The following ALDH1L1 variants were observed in gnomAD, a reference collection of about 807,000 sequenced individuals.
ALDH1L1 encodes aldehyde dehydrogenase 1 family member L1.
A neutral mutation model predicts 101.1 loss-of-function variants in ALDH1L1; 68 were observed. The observed-to-expected ratio is 0.67, with a 90% CI of 0.55 to 0.82. ALDH1L1 has a LOEUF of 0.82. Ranked by LOEUF, ALDH1L1 falls within the 40% of genes least tolerant of loss-of-function variation. The probability of loss-of-function intolerance (pLI) is 0.00; values close to 1 mark genes in which losing one functional copy is unlikely to be tolerated. For synonymous variants in ALDH1L1, 486 were observed against 470.8 expected (o/e 1.03, Z -0.42); for missense variants, 1,087 against 1,172.7 (o/e 0.93, Z 1.07).
In ALDH1L1 at chr3:126,122,333, C is replaced by T. The variant is rs180749941; in HGVS notation, c.1888+2031G>A. Among the ~76,000 whole-genome samples, 4 of 152,122 alleles carry T rather than the reference C, an allele frequency of 2.6e-5. No homozygotes were observed. In the South Asian group the frequency reaches 6.2e-4, roughly 24 times the overall value. ...TTGCTTTCTTAACTGATTTAAAAAG[C>T]GATTGTGTAAAATGATTATATACAT... On this transcript the variant is annotated intron_variant, in intron 16 of 22. Coordinates refer to ENST00000393434, the MANE Select transcript of ALDH1L1 (RefSeq NM_012190.4).
At chr3:126,161,386 T>G (rs1216142188) in intron 1 of ALDH1L1, among the ~76,000 whole-genome samples, 1 of 152,248 alleles carries the variant, frequency 6.6e-6, no homozygotes, top group Non-Finnish European at 1.5e-5. Context: ...CACTTGTTCA[T>G]GAGAAAGATG....
intron 13 of ALDH1L1, 126 bp downstream of exon 13, chr3:126,131,258 C>T (rs4646733): frequency 0.62 from 756,633 of 1,226,954 alleles, 236,281 homozygotes; most frequent in Middle Eastern, 0.65. Flanking sequence ...AAACAGGTGT[C>T]ATTCCAAGCC....
Position 126,158,539 on chromosome 3 carries a change from C to A in ALDH1L1, c.228G>T (p.Leu76Phe), listed in dbSNP as rs1438809198. 2 of 1,614,224 alleles carry A rather than the reference C, an allele frequency of 1.2e-6. No homozygotes were observed. Among genetic ancestry groups the A allele is most frequent in the Non-Finnish European group, 8.5e-7 (1 of 1,180,028 alleles). The change falls in exon 3 of 23, where the codon TTG becomes TTT. Residue 76 changes from leucine (L) to phenylalanine (F), a missense_variant. Leu to Phe is a conservative substitution (Grantham distance 22). This residue lies in a region of ALDH1L1 where 645 missense variants were observed against 637.0 expected (regional missense o/e 1.01). Coordinates refer to ENST00000393434, the MANE Select transcript of ALDH1L1 (RefSeq NM_012190.4). ...LPDVVAKYQA[L>F]GAELNVLPFC... ...AGGGCAGGACGTTGAGCTCGGCCCC[C>A]AAAGCCTGGTATTTTGCCACCACAT...
intron 1 of ALDH1L1, among the ~76,000 whole-genome samples, chr3:126,191,021 A>C (rs1357905547): frequency 1.3e-5 from 2 of 152,066 alleles, no homozygotes; most frequent in African/African-American, 4.8e-5. Context: ...TTTCCTTCTG[A>C]GTTTTCAGCC....
intron 6 of ALDH1L1, among the ~76,000 whole-genome samples, chr3:126,153,974 T>C (rs1406520401): frequency 6.6e-6 from 1 of 152,236 alleles, no homozygotes; most frequent in Non-Finnish European, 1.5e-5. Context: ...CAAAGGGCTC[T>C]GCGTTGATGA....
At chr3:126,106,891 G>T (rs1454016733) in intron 21 of ALDH1L1, among the ~76,000 whole-genome samples, 1 of 152,256 alleles carries the variant, frequency 6.6e-6, no homozygotes, top group Non-Finnish European at 1.5e-5. Context: ...GCTGGAGCAT[G>T]TGACAAGTGA....
chr3:126,141,096 A>G (rs62265226), intron 9 of ALDH1L1, among the ~76,000 whole-genome samples: 34,069 of 151,994 alleles, frequency 0.22, 4,669 homozygotes, highest in African/African-American at 0.39. Context: ...GTAAAAGGAT[A>G]GAGAAAATAT....
chr3:126,178,746 T>TTGTGTG lies in ALDH1L1; in HGVS notation c.-24+1724_-24+1729dup, dbSNP rs112510826. Among the ~76,000 whole-genome samples, 2,469 of 149,902 alleles carry TTGTGTG rather than the reference T, an allele frequency of 0.016. 112 individuals carry two copies. In the East Asian group the frequency reaches 0.19, roughly 11 times the overall value. Reference sequence around the variant, plus strand: ...CACGATAATTGTGTAAGGCTTAAGTTTGTGTGTGTGTGTGTGTGTGTCTGT... The same window carrying TTGTGTG: ...CACGATAATTGTGTAAGGCTTAAGTTTGTGTGTGTGTGTGTGTGTGTGTGTGTCTGT... On this transcript the variant is annotated intron_variant, in intron 1 of 22. Transcript: ENST00000393434.
Position 126,171,395 on chromosome 3 carries a change from AAG to A in ALDH1L1, c.-24+9079_-24+9080del, listed in dbSNP as rs561970556. Among the ~76,000 whole-genome samples, 475 of 151,440 alleles carry A rather than the reference AAG, an allele frequency of 3.1e-3. 2 individuals are homozygous for A. The highest frequency in any genetic ancestry group is 4.5e-3 in the Non-Finnish European group (302 of 67,470). On this transcript the variant is annotated intron_variant, in intron 1 of 22. Transcript: ENST00000393434. ...CTCTCCCTCCCAGATAAGCACAACA[AAG>A]AGACACAGAAGCAGTCCAAGCCTCT...
At position 126,158,422 on chromosome 3, in the gene ALDH1L1, C is replaced by T. The variant is rs1440738113; in HGVS notation, c.345G>A (p.Gly115=). The part of the protein sequence containing the change: ...YHPSLLPRHR[G]ASAINWTLIH... ...CATCTCACCAGTTGATGGCCGAGGC[C>T]CCTCGGTGCCTAGGGAGCAGTGACG... Residue 115 remains glycine, a synonymous_variant, in exon 3 of 23, where the codon GGG becomes GGA. Coordinates refer to ENST00000393434, the MANE Select transcript of ALDH1L1 (RefSeq NM_012190.4). 8 of 1,601,774 alleles carry T rather than the reference C, an allele frequency of 5.0e-6. No homozygotes were observed. Among genetic ancestry groups the T allele is most frequent in the Middle Eastern group, 1.6e-4 (1 of 6,068 alleles).
intron 8 of ALDH1L1, 124 bp downstream of exon 8, chr3:126,150,282 C>G: frequency 7.0e-7 from 1 of 1,430,748 alleles, no homozygotes; most frequent in Non-Finnish European, 9.2e-7. Flanking sequence ...AACACTGCAC[C>G]TGGAGCCAAA....
chr3:126,196,729 A>G (rs2081583799), intron 1 of ALDH1L1, among the ~76,000 whole-genome samples: 1 of 152,238 alleles, frequency 6.6e-6, no homozygotes. Flanking sequence ...GGAAGATTTA[A>G]GAAGGGAAGC....
chr3:126,171,715 C>G (rs1279803912), intron 1 of ALDH1L1, among the ~76,000 whole-genome samples: 4 of 152,152 alleles, frequency 2.6e-5, no homozygotes, highest in Non-Finnish European at 5.9e-5. Flanking sequence ...TGAATGGACA[C>G]CCAGGGCCTA....
At chr3:126,183,001 C>T (rs1336073158), upstream of ALDH1L1, among the ~76,000 whole-genome samples, 2 of 152,096 alleles carry the variant, frequency 1.3e-5, no homozygotes, top group African/African-American at 4.8e-5. Context: ...TCCAGCTTCT[C>T]CAGATGTCAT....
upstream of ALDH1L1, among the ~76,000 whole-genome samples, chr3:126,185,249 C>T (rs544123120): frequency 2.6e-5 from 4 of 152,308 alleles, no homozygotes; most frequent in African/African-American, 9.6e-5. Flanking sequence ...GGGGGTGTTG[C>T]GTGTTTGCAC....
At chr3:126,127,493 G>A (rs904842090) in intron 14 of ALDH1L1, among the ~76,000 whole-genome samples, 5 of 152,136 alleles carry the variant, frequency 3.3e-5, no homozygotes, top group African/African-American at 1.2e-4. Context: ...TGGACGGTGA[G>A]GGTGGAGTTC....
chr3:126,114,791 A>ACTCCCCCCCCCCCCCCCCCCC, intron 17 of ALDH1L1, 135 bp from the exon 18 acceptor site: 1 of 600,068 alleles, frequency 1.7e-6, no homozygotes, highest in South Asian at 1.9e-5. Flanking sequence ...GTGCCTCCCC[A>ACTCCCCCCCCCCCCCCCCCCC]CTCCCCCCCA....
rs139278726 is a variant in ALDH1L1 at position 126,171,152 on chromosome 3, G to T, written c.-24+9324C>A. ...TCTCTACTAAAACTACAAAAAATTA[G>T]CCAGGCGTGGTGGCGCATGCCTGTA... On this transcript the variant is annotated intron_variant, in intron 1 of 22. Transcript: ENST00000393434. Among the ~76,000 whole-genome samples, 1,334 of 152,264 alleles carry T rather than the reference G, an allele frequency of 8.8e-3. 22 individuals carry two copies. The highest frequency in any genetic ancestry group is 0.03 in the African/African-American group (1,259 of 41,540).
intron 1 of ALDH1L1, among the ~76,000 whole-genome samples, chr3:126,175,325 A>C (rs1421904697): frequency 6.6e-6 from 1 of 152,132 alleles, no homozygotes; most frequent in Non-Finnish European, 1.5e-5. Flanking sequence ...ATTCTCTATG[A>C]TCTCTTTCAA....
Sources: allele counts gnomAD v4.1 joint callset (sites outside exome capture counted in the v4.1 genomes callset), GRCh38; gene constraint gnomAD v4.1.1; regional missense constraint gnomAD v4.1.1; transcripts MANE v1.5; gene names NCBI Gene and HGNC (gene_info 2026-07-23, HGNC 2026-07-21).